Variants in ZNF160 observed in about 807,000 individuals in gnomAD.
ZNF160 encodes zinc finger protein 160.
ZNF160 carries 9 observed loss-of-function variants against 13.1 expected under a neutral mutation model. That is an observed-to-expected ratio of 0.69 (90% confidence interval 0.41 to 1.20). ZNF160 has a LOEUF of 1.20. Ranked by LOEUF, ZNF160 falls within the 50% of genes most tolerant of loss-of-function variation. The pLI, the probability that ZNF160 is intolerant of heterozygous loss-of-function variation, is 0.01. For missense variants in ZNF160, 838 were observed against 988.0 expected, an observed-to-expected ratio of 0.85 and a Z score of 2.04; for synonymous variants, 293 against 333.2, an observed-to-expected ratio of 0.88 and a Z score of 1.31.
At chr19:53,084,542 A>C (rs909333255) in intron 3 of ZNF160, among the ~76,000 whole-genome samples, 1 of 152,214 alleles carries the variant, frequency 6.6e-6, no homozygotes, top group African/African-American at 2.4e-5. Flanking sequence ...AAATGTAGTA[A>C]AAGTTAAAAA....
chr19:53,069,919 A>T lies in ZNF160; in HGVS notation c.615T>A (p.Asn205Lys). The change falls in exon 6 of 6, where the codon AAT becomes AAA. Residue 205 changes from asparagine to lysine, a missense_variant. By Grantham distance (94) the Asn-to-Lys change is moderately conservative. This residue lies in a region of ZNF160 where 387 missense variants were observed against 402.3 expected (regional missense o/e 0.96). Coordinates refer to ENST00000683776, the MANE Select transcript of ZNF160 (RefSeq NM_001322131.2). This position sits in a 1 kb window ranked among gnomAD's most constrained non-coding sequence, Gnocchi z 4.4. ...CATTGTTGGTAGACTTCTCAACTTG[A>T]TTACATTCATACATTTTCCCCTCAC... ...FQGEGKMYECNQVEKSTNNGS... is the reference protein window; with the variant it reads ...FQGEGKMYECKQVEKSTNNGS... 6.2e-7 allele frequency: 1 copy of T among 1,614,162 alleles called. No individual in the cohort carries two copies. The highest frequency in any genetic ancestry group is 8.5e-7 in the Non-Finnish European group (1 of 1,180,046).
chr19:53,085,718 G>C (rs1419905881), intron 3 of ZNF160: 2 of 298,698 alleles, frequency 6.7e-6, no homozygotes, highest in East Asian at 1.4e-4. Context: ...ATGATGGAAT[G>C]AAAGAATCAT....
chr19:53,088,317 G>A (rs2084916709), intron 2 of ZNF160, among the ~76,000 whole-genome samples: 1 of 152,122 alleles, frequency 6.6e-6, no homozygotes, highest in Non-Finnish European at 1.5e-5. Context: ...GAAAAAGGAA[G>A]AATCAGTGGA....
At chr19:53,098,256 C>A (rs1432370242) in intron 1 of ZNF160, among the ~76,000 whole-genome samples, 3 of 152,168 alleles carry the variant, frequency 2.0e-5, no homozygotes, top group Admixed American at 6.5e-5. Context: ...CAGCATTCAT[C>A]CAGCTCCTCT....
intron 2 of ZNF160, among the ~76,000 whole-genome samples, chr19:53,090,454 T>C (rs2084992818): frequency 6.6e-6 from 1 of 152,222 alleles, no homozygotes. Context: ...TTCTCAGTTT[T>C]TCTATTTCCT....
chr19:53,075,312 A>G, intron 3 of ZNF160, 129 bp from the exon 4 acceptor site: 1 of 1,211,408 alleles, frequency 8.3e-7, no homozygotes, highest in Non-Finnish European at 1.2e-6. Context: ...CCAGATTGTG[A>G]CAATGTGACA....
At chr19:53,093,511 CA>C (rs984606066) in intron 1 of ZNF160, 1 of 152,068 alleles carries the variant, frequency 6.6e-6, no homozygotes, top group African/African-American at 2.4e-5. Context: ...ATTACAGGGT[CA>C]AAATCGGCTT....
intron 3 of ZNF160, chr19:53,085,976 CT>C: frequency 1.7e-5 from 22 of 1,276,546 alleles, no homozygotes; most frequent in Non-Finnish European, 2.4e-5. Context: ...TGAGCAATCC[CT>C]GCTGCCCAAC....
intron 3 of ZNF160, chr19:53,086,050 G>A (rs1600871087): frequency 7.0e-7 from 1 of 1,431,888 alleles, no homozygotes; most frequent in East Asian, 2.5e-5. Flanking sequence ...GCCCTTCCCA[G>A]GACCATGCCC....
At chr19:53,071,510 G>A (rs1008137128) in intron 5 of ZNF160, among the ~76,000 whole-genome samples, 5 of 148,960 alleles carry the variant, frequency 3.4e-5, no homozygotes, top group African/African-American at 1.2e-4. Flanking sequence ...ACTCCAGCCT[G>A]GGGCAACAAG....
At chr19:53,083,378 G>A (rs1477751410) in intron 3 of ZNF160, among the ~76,000 whole-genome samples, 2 of 152,102 alleles carry the variant, frequency 1.3e-5, no homozygotes. Context: ...ACAACACTTA[G>A]GAAACTCTAT....
intron 1 of ZNF160, among the ~76,000 whole-genome samples, chr19:53,094,595 A>G (rs2085151022): frequency 6.6e-6 from 1 of 152,100 alleles, no homozygotes; most frequent in Admixed American, 6.6e-5. Flanking sequence ...TTTCACTTAA[A>G]TCGTTTTCAA....
chr19:53,070,732 C>T (rs556026101), intron 5 of ZNF160, among the ~76,000 whole-genome samples: 56 of 151,848 alleles, frequency 3.7e-4, no homozygotes, highest in African/African-American at 1.3e-3. Flanking sequence ...TATTTTTTAA[C>T]AAAGAAAATG....
intron 3 of ZNF160, among the ~76,000 whole-genome samples, chr19:53,083,303 C>A (rs2145758887): frequency 6.6e-6 from 1 of 152,286 alleles, no homozygotes; most frequent in Admixed American, 6.5e-5. Context: ...TCTGGCAACT[C>A]AGGCCCCATC....
intron 2 of ZNF160, among the ~76,000 whole-genome samples, chr19:53,087,444 A>T (rs1033950345): frequency 6.6e-6 from 1 of 152,202 alleles, no homozygotes; most frequent in East Asian, 1.9e-4. Context: ...ACATGACAAG[A>T]AGTTCAGCTG....
chr19:53,073,158 A>G (rs1250202398), intron 5 of ZNF160: 2 of 1,397,218 alleles, frequency 1.4e-6, no homozygotes, highest in Non-Finnish European at 9.3e-7. Context: ...GGTAACCCAC[A>G]TTCTACTCTT....
chr19:53,087,951 G>A (rs1055291277), intron 2 of ZNF160, among the ~76,000 whole-genome samples: 1 of 152,222 alleles, frequency 6.6e-6, no homozygotes, highest in Non-Finnish European at 1.5e-5. Flanking sequence ...GACCTCAGAG[G>A]AGGGTCTGCA....
intron 3 of ZNF160, chr19:53,085,350 C>A (rs2084791412): frequency 2.9e-6 from 1 of 339,396 alleles, no homozygotes; most frequent in Non-Finnish European, 4.2e-6. Context: ...TGACCCTTCC[C>A]ACAGAATTGA....
At chr19:53,093,914 C>T (rs2085126022) in intron 1 of ZNF160, among the ~76,000 whole-genome samples, 1 of 152,156 alleles carries the variant, frequency 6.6e-6, no homozygotes, top group African/African-American at 2.4e-5. Context: ...ATGAGATGCA[C>T]CAACTTCATT....
Sources: allele counts gnomAD v4.1 joint callset (sites outside exome capture counted in the v4.1 genomes callset), GRCh38; gene constraint gnomAD v4.1.1; regional missense constraint gnomAD v4.1.1; non-coding constraint Gnocchi (gnomAD v3.1); transcripts MANE v1.5; gene names NCBI Gene and HGNC (gene_info 2026-07-23, HGNC 2026-07-21).